COL17A1: variants seen among roughly 807,000 people sequenced by gnomAD.
COL17A1 encodes collagen alpha-1(XVII) chain.
Under a neutral mutation model 218.4 loss-of-function variants are expected in COL17A1, and 181 were observed. The observed-to-expected ratio is 0.83, with a 90% CI of 0.73 to 0.94. The LOEUF (loss-of-function observed/expected upper bound fraction) is 0.94. Ranked by LOEUF, COL17A1 falls within the 40% of genes least tolerant of loss-of-function variation. The pLI is 0.00. For missense variants in COL17A1, 1,924 were observed against 1,945.9 expected, an observed-to-expected ratio of 0.99 and a Z score of 0.21; for synonymous variants, 721 against 731.0, an observed-to-expected ratio of 0.99 and a Z score of 0.22.
At chr10:104,070,686 C>T in intron 8 of COL17A1, 117 bp from the exon 9 acceptor site, 1 of 1,600,798 alleles carries the variant, frequency 6.2e-7, no homozygotes, top group East Asian at 2.2e-5. Context: ...ATCTGCCTCA[C>T]ACATTGGAAC....
chr10:104,042,685 T>G (rs1368262628), intron 35 of COL17A1, among the ~76,000 whole-genome samples: 1 of 152,244 alleles, frequency 6.6e-6, no homozygotes, highest in Non-Finnish European at 1.5e-5. Flanking sequence ...GCTGCTGTCC[T>G]GTAATGGTTA....
At chr10:104,043,329 A>G (rs2086378371) in intron 35 of COL17A1, among the ~76,000 whole-genome samples, 172 bp downstream of exon 35, 1 of 152,146 alleles carries the variant, frequency 6.6e-6, no homozygotes, top group African/African-American at 2.4e-5. Flanking sequence ...AGGATAACTG[A>G]TCTACCTCAT....
chr10:104,081,092 A>G (rs1260406633), intron 1 of COL17A1, among the ~76,000 whole-genome samples: 1 of 152,250 alleles, frequency 6.6e-6, no homozygotes, highest in Non-Finnish European at 1.5e-5. Flanking sequence ...AATGTCTCCC[A>G]TAATGTTCAA....
At chr10:104,038,566 AC>A in intron 44 of COL17A1, 38 bp from the exon 45 acceptor site, 1 of 1,604,294 alleles carries the variant, frequency 6.2e-7, no homozygotes, top group South Asian at 1.1e-5. Flanking sequence ...CGGTTTCTCC[AC>A]CCTAGGGTCA....
At chr10:104,033,876 A>G in intron 52 of COL17A1, 69 bp downstream of exon 52, 2 of 1,607,800 alleles carry the variant, frequency 1.2e-6, no homozygotes, top group Non-Finnish European at 1.7e-6. Context: ...TCCACAAACA[A>G]GAAAGCCAGT....
intron 19 of COL17A1, 59 bp from the exon 20 acceptor site, chr10:104,055,066 T>C (rs1318946090): frequency 6.8e-6 from 11 of 1,611,228 alleles, no homozygotes; most frequent in Non-Finnish European, 9.3e-6. Flanking sequence ...GGCCATACTC[T>C]GCCTTGTATT....
chr10:104,068,110 C>A (rs1171895893), intron 9 of COL17A1, among the ~76,000 whole-genome samples: 2 of 152,104 alleles, frequency 1.3e-5, no homozygotes, highest in Non-Finnish European at 2.9e-5. Context: ...GTGAGCACCC[C>A]ACATCAGGTC....
chr10:104,059,291 G>GA (rs1011748181), intron 15 of COL17A1: 503 of 331,286 alleles, frequency 1.5e-3, no homozygotes, highest in South Asian at 2.7e-3. Context: ...TATTTGGGAA[G>GA]AAAAAAAAAT....
Position 104,057,169 on chromosome 10 carries a change from A to T in COL17A1, c.1271T>A (p.Ile424Asn), listed in dbSNP as rs1490105741. ...STKGKTTTAD[I>N]HSYGSSGGGG... ...ACCACCACTGCTGCCGTAGCTGTGG[A>T]TATCTGTGAAAGAGACAGGGAAAAT... The change falls in exon 17 of 56, where the codon ATC (isoleucine) becomes AAC (asparagine). Residue 424 changes from isoleucine to asparagine, a missense_variant. Physicochemically the swap from Ile to Asn is moderately radical, Grantham distance 149 (BLOSUM62 -3). Coordinates refer to ENST00000648076, the MANE Select transcript of COL17A1 (RefSeq NM_000494.4). 7 of 1,614,012 alleles carry T rather than the reference A, an allele frequency of 4.3e-6. No individual in the cohort carries two copies. Among genetic ancestry groups the T allele is most frequent in the Non-Finnish European group, 5.9e-6 (7 of 1,179,938 alleles).
intron 48 of COL17A1, among the ~76,000 whole-genome samples, chr10:104,035,974 G>A (rs867624409): frequency 4.8e-5 from 7 of 144,382 alleles, no homozygotes; most frequent in Middle Eastern, 7.6e-3. Flanking sequence ...ATGGGAGTGT[G>A]TTTATGGGAA....
chr10:104,062,850 CTTGT>C (rs964341892), intron 11 of COL17A1, among the ~76,000 whole-genome samples: 7 of 152,146 alleles, frequency 4.6e-5, no homozygotes, highest in African/African-American at 9.7e-5. Flanking sequence ...TATTTGATTG[CTTGT>C]TTGTTTGTTT....
chr10:104,034,425 C>T (rs549026388), intron 51 of COL17A1, 91 bp from the exon 52 acceptor site: 16 of 1,478,382 alleles, frequency 1.1e-5, no homozygotes, highest in South Asian at 7.7e-5. Flanking sequence ...GGTGTCAATG[C>T]CCCTGAGAGA....
chr10:104,050,232 G>A, intron 27 of COL17A1, 108 bp from the exon 28 acceptor site: 13 of 1,497,244 alleles, frequency 8.7e-6, no homozygotes, highest in Non-Finnish European at 1.2e-5. Flanking sequence ...CTGTATCCGT[G>A]AACTCCTGTC....
At position 104,057,250 on chromosome 10, in the gene COL17A1, A is replaced by G. The variant is rs7924229; in HGVS notation, c.1268-78T>C. On this transcript the variant is annotated intron_variant, in intron 16 of 55. Coordinates refer to ENST00000648076, the MANE Select transcript of COL17A1 (RefSeq NM_000494.4). ...CCTCCAGATTCTCTGACTTTTGGTG[A>G]CTTTCTGGCCTGAGTGACTACGACT... The G allele has an allele frequency of 8.0e-3, 12,954 of 1,610,890 alleles. 749 individuals carry two copies. In the African/African-American group the frequency reaches 0.14, roughly 17 times the overall value.
chr10:104,041,672 T>C, intron 36 of COL17A1, 134 bp from the exon 37 acceptor site: 1 of 743,656 alleles, frequency 1.3e-6, no homozygotes, highest in East Asian at 2.7e-5. Flanking sequence ...AGGCCCTGTG[T>C]CATGGCACAA....
Position 104,054,075 on chromosome 10 carries a change from C to G in COL17A1, c.1771+17G>C, listed in dbSNP as rs1179468511. The G allele has an allele frequency of 1.2e-6, 2 of 1,613,242 alleles. No homozygotes were observed. The highest frequency in any genetic ancestry group is 1.7e-6 in the Non-Finnish European group (2 of 1,179,614). On this transcript the variant is annotated intron_variant, in intron 21 of 55. Coordinates refer to ENST00000648076, the MANE Select transcript of COL17A1 (RefSeq NM_000494.4). ...CTGCAACACTGGCAGGCCTGGAGGT[C>G]ATCAGAGAGTACATACCTGGAGTCC...
At position 104,077,653 on chromosome 10, in the gene COL17A1, C is replaced by T. The variant is rs997371083; in HGVS notation, c.98-127G>A. The T allele has an allele frequency of 3.5e-5, 26 of 747,238 alleles. No individual in the cohort carries two copies. The South Asian group carries it at 3.8e-4, about 11-fold the overall frequency. 46.3% of individuals were successfully genotyped at this position (747,238 alleles called of 1,614,324 possible). On this transcript the variant is annotated intron_variant, in intron 3 of 55. Transcript: ENST00000648076. The stretch of plus-strand genomic sequence containing the variant: ...CCTTCTTAGTTTGGGGTTCCTTTCC[C>T]ACCTACATTATAAGATGCAAGCTGC...
Position 104,080,629 on chromosome 10 carries a change from AG to A in COL17A1, c.44del (p.Thr15MetfsTer9), listed in dbSNP as rs1380132254. The part of the protein sequence containing the change: ...KKNKRDGTEV[T>X]ERIVTETVTT... Reference sequence around the variant, plus strand: ...AAATTCTGATGCTCTTACTTCTCTCAGTGACTTCAGTTCCATCTCGTTTGTT... The same window carrying A: ...AAATTCTGATGCTCTTACTTCTCTCATGACTTCAGTTCCATCTCGTTTGTT... On this transcript the variant is annotated frameshift_variant, in exon 2 of 56. Transcript: ENST00000648076. LOFTEE classifies it high-confidence loss of function. The A allele has an allele frequency of 6.2e-7, 1 of 1,612,986 alleles. No individual in the cohort carries two copies. The highest frequency in any genetic ancestry group is 1.7e-5 in the Admixed American group (1 of 60,022).
At chr10:104,049,804 C>T (rs1024533938) in intron 28 of COL17A1, among the ~76,000 whole-genome samples, 7 of 152,186 alleles carry the variant, frequency 4.6e-5, no homozygotes, top group Non-Finnish European at 5.9e-5. Flanking sequence ...TCTGCTGCTT[C>T]GGGAAGAGCT....
Sources: gnomAD v4.1 joint callset for allele counts (sites outside exome capture counted in the v4.1 genomes callset) on GRCh38, gnomAD v4.1.1 for gene constraint, MANE v1.5 for transcripts, NCBI Gene and HGNC (gene_info 2026-07-23, HGNC 2026-07-21) for gene names.